The following LRP1B variants were observed in gnomAD, a reference collection of about 807,000 sequenced individuals.
LRP1B encodes the protein low-density lipoprotein receptor-related protein 1B.
LRP1B carries 217 observed loss-of-function variants against 556.6 expected under a neutral mutation model. The observed-to-expected ratio is 0.39, with a 90% CI of 0.35 to 0.44. LRP1B has a LOEUF of 0.44. Among genes scored for constraint, LRP1B ranks in the 20% least tolerant of loss-of-function variants. The probability of loss-of-function intolerance (pLI) is 1.00; values close to 1 mark genes in which losing one functional copy is unlikely to be tolerated. For synonymous variants in LRP1B, 2,047 were observed against 1,865.8 expected (o/e 1.10, Z -2.50); for missense variants, 5,053 against 5,620.8 (o/e 0.90, Z 3.23).
rs145809625 is a variant in LRP1B at position 141,400,935 on chromosome 2, C to T, written c.343+79461G>A. ...ACATACCACAATTCCAATATAGATGCATCATTCCATTTTTAATACTCTCCT... is the reference window on the plus strand; with the variant it reads ...ACATACCACAATTCCAATATAGATGTATCATTCCATTTTTAATACTCTCCT... On this transcript the variant is annotated intron_variant, in intron 3 of 90. Transcript: ENST00000389484. 1.5e-3 allele frequency among the ~76,000 whole-genome samples: 229 copies of T among 152,236 alleles called. 1 individual carries two copies. Among genetic ancestry groups the T allele is most frequent in the African/African-American group, 5.3e-3 (220 of 41,548 alleles).
At chr2:141,728,730 T>C (rs988605196) in intron 2 of LRP1B, among the ~76,000 whole-genome samples, 1 of 152,144 alleles carries the variant, frequency 6.6e-6, no homozygotes, top group African/African-American at 2.4e-5. Context: ...TAAATTCACA[T>C]TTCAAATATT....
chr2:140,300,457 C>G (rs1683773753), intron 83 of LRP1B, among the ~76,000 whole-genome samples: 1 of 152,092 alleles, frequency 6.6e-6, no homozygotes, highest in African/African-American at 2.4e-5. Flanking sequence ...GAAAAAGAAA[C>G]AGTCCTGTTA....
chr2:140,873,453 T>A (rs1693204329), intron 25 of LRP1B, among the ~76,000 whole-genome samples: 1 of 152,106 alleles, frequency 6.6e-6, no homozygotes, highest in South Asian at 2.1e-4. Flanking sequence ...AATTATAAAC[T>A]ATAAACTATA....
chr2:141,792,411 C>T (rs187304585), intron 2 of LRP1B, among the ~76,000 whole-genome samples: 47 of 152,030 alleles, frequency 3.1e-4, no homozygotes, highest in African/African-American at 1.0e-3. Flanking sequence ...AAAGGAACCT[C>T]TTGTGGACCC....
intron 1 of LRP1B, among the ~76,000 whole-genome samples, chr2:142,130,252 T>C (rs1325693030): frequency 6.6e-6 from 1 of 152,212 alleles, no homozygotes; most frequent in Non-Finnish European, 1.5e-5. Context: ...GCGGACACGC[T>C]TAACGCGGAG....
chr2:141,604,294 A>T (rs985246419), intron 2 of LRP1B, among the ~76,000 whole-genome samples: 4 of 152,340 alleles, frequency 2.6e-5, no homozygotes, highest in Middle Eastern at 3.4e-3. Flanking sequence ...ATGTTATGCC[A>T]TGTTATAACA....
chr2:140,938,971 G>T (rs953162320), intron 20 of LRP1B, among the ~76,000 whole-genome samples: 1 of 152,076 alleles, frequency 6.6e-6, no homozygotes, highest in African/African-American at 2.4e-5. Flanking sequence ...AATCCTGACT[G>T]AAATTTCCAG....
At chr2:141,995,482 C>A (rs910660556) in intron 1 of LRP1B, among the ~76,000 whole-genome samples, 1 of 152,144 alleles carries the variant, frequency 6.6e-6, no homozygotes, top group Admixed American at 6.6e-5. Flanking sequence ...ATAATCATCT[C>A]CCTATTTTAA....
At chr2:141,030,506 C>A (rs1403491604) in intron 11 of LRP1B, among the ~76,000 whole-genome samples, 2 of 151,976 alleles carry the variant, frequency 1.3e-5, no homozygotes, top group Non-Finnish European at 2.9e-5. Context: ...AGAAAATATG[C>A]ACATTCTTCT....
At chr2:140,586,197 G>A (rs977999815) in intron 43 of LRP1B, among the ~76,000 whole-genome samples, 3 of 152,132 alleles carry the variant, frequency 2.0e-5, no homozygotes, top group African/African-American at 4.8e-5. Context: ...TAAAAGTAGA[G>A]AGAAAAAGCA....
At chr2:142,100,312 A>G (rs1226551554) in intron 1 of LRP1B, among the ~76,000 whole-genome samples, 1 of 151,910 alleles carries the variant, frequency 6.6e-6, no homozygotes, top group Non-Finnish European at 1.5e-5. Context: ...AGTTACCATT[A>G]CTGCAGTCAA....
At chr2:141,320,383 GA>G (rs1191359188) in intron 3 of LRP1B, among the ~76,000 whole-genome samples, 3 of 152,012 alleles carry the variant, frequency 2.0e-5, no homozygotes, top group African/African-American at 7.2e-5. Context: ...AGATAACACA[GA>G]ATATTTAGGG....
chr2:141,295,369 C>T lies in LRP1B; in HGVS notation c.344-40728G>A, dbSNP rs563557648. Among the ~76,000 whole-genome samples the T allele has an allele frequency of 1.9e-4, 29 of 152,128 alleles. No individual in the cohort carries two copies. The South Asian group carries it at 6.0e-3, about 32-fold the overall frequency. On this transcript the variant is annotated intron_variant, in intron 3 of 90. Coordinates refer to ENST00000389484, the MANE Select transcript of LRP1B (RefSeq NM_018557.3). ...TTTCTTATTTTGATTATACCCTGTC[C>T]ATTTCATCAGTTTTCTTTCAAACCG...
At chr2:141,827,421 CTGTT>C (rs1389312084) in intron 1 of LRP1B, among the ~76,000 whole-genome samples, 2 of 152,258 alleles carry the variant, frequency 1.3e-5, no homozygotes, top group East Asian at 3.9e-4. Context: ...AATACTTCCT[CTGTT>C]TGGGGGCATC....
At chr2:141,640,622 A>G (rs1439013132) in intron 2 of LRP1B, among the ~76,000 whole-genome samples, 1 of 152,086 alleles carries the variant, frequency 6.6e-6, no homozygotes, top group Non-Finnish European at 1.5e-5. Flanking sequence ...CCTGGCCAAC[A>G]TGGTGAAACC....
At chr2:140,922,260 C>T (rs1408894074) in intron 21 of LRP1B, among the ~76,000 whole-genome samples, 1 of 149,496 alleles carries the variant, frequency 6.7e-6, no homozygotes, top group Non-Finnish European at 1.5e-5. Context: ...ATAACTTTTC[C>T]ATTTTGGTTT....
At chr2:140,918,499 G>T (rs1436356484) in intron 21 of LRP1B, among the ~76,000 whole-genome samples, 1 of 152,022 alleles carries the variant, frequency 6.6e-6, no homozygotes, top group East Asian at 1.9e-4. Context: ...GAAATATATT[G>T]CTTTCCATAG....
At chr2:141,176,097 G>A (rs1680723042) in intron 7 of LRP1B, among the ~76,000 whole-genome samples, 2 of 152,072 alleles carry the variant, frequency 1.3e-5, no homozygotes, top group Admixed American at 6.6e-5. Context: ...TAACGAATTT[G>A]TTTTTATTTT....
At chr2:140,494,606 C>CAAAAAAAA (rs77006034) in intron 56 of LRP1B, among the ~76,000 whole-genome samples, 1 of 64,196 alleles carries the variant, frequency 1.6e-5, no homozygotes, top group Non-Finnish European at 3.1e-5. Flanking sequence ...GACTCCGTCT[C>CAAAAAAAA]AAAAAAAAAA....
Sources: gnomAD v4.1 joint callset for allele counts (sites outside exome capture counted in the v4.1 genomes callset) on GRCh38, gnomAD v4.1.1 for gene constraint, MANE v1.5 for transcripts, NCBI Gene and HGNC (gene_info 2026-07-23, HGNC 2026-07-21) for gene names.